Variants in DPP10 observed in about 807,000 individuals in gnomAD.
The protein encoded by DPP10 is inactive dipeptidyl peptidase 10.
A neutral mutation model predicts 120.9 loss-of-function variants in DPP10; 33 were observed. The ratio of observed to expected loss-of-function variants is 0.27; its 90% CI spans 0.21 to 0.37. The LOEUF (loss-of-function observed/expected upper bound fraction) is 0.37, where lower values mean the gene tolerates loss of function less well. Among genes scored for constraint, DPP10 ranks in the 10% least tolerant of loss-of-function variants. DPP10 has a pLI of 1.00. For missense variants in DPP10, 816 were observed against 942.8 expected, an observed-to-expected ratio of 0.87 and a Z score of 1.76; for synonymous variants, 337 against 326.1, an observed-to-expected ratio of 1.03 and a Z score of -0.36.
chr2:115,706,910 A>G (rs1313051889), intron 7 of DPP10, among the ~76,000 whole-genome samples: 2 of 151,974 alleles, frequency 1.3e-5, no homozygotes, highest in African/African-American at 4.8e-5. Context: ...ATAACTTCAG[A>G]CATCTTTCAA....
intron 1 of DPP10, among the ~76,000 whole-genome samples, chr2:114,874,321 A>G (rs1373026833): frequency 6.6e-6 from 1 of 152,162 alleles, no homozygotes; most frequent in Non-Finnish European, 1.5e-5. Flanking sequence ...TGGCCTTAAA[A>G]GGTATGTTTG....
intron 1 of DPP10, among the ~76,000 whole-genome samples, chr2:114,513,845 A>T (rs1381828286): frequency 6.6e-6 from 1 of 152,178 alleles, no homozygotes; most frequent in Middle Eastern, 3.2e-3. Context: ...AAATGAAATG[A>T]CTTCAGAGCT....
chr2:114,784,509 C>T lies in DPP10; in HGVS notation c.60+341671C>T, dbSNP rs1395265673. On this transcript the variant is annotated intron_variant, in intron 1 of 25. Transcript: ENST00000410059. ...GCGACTGCCTATTACATAAAACCTT[C>T]TCAAATATGTTCCTATAAAAAATAT... Among the ~76,000 whole-genome samples the T allele has an allele frequency of 2.6e-5, 4 of 152,124 alleles. 1 individual carries two copies. Among genetic ancestry groups the T allele is most frequent in the Non-Finnish European group, 5.9e-5 (4 of 68,000 alleles).
chr2:114,644,100 ATTT>A (rs70937295), intron 1 of DPP10, among the ~76,000 whole-genome samples: 1 of 129,940 alleles, frequency 7.7e-6, no homozygotes, highest in African/African-American at 2.9e-5. Flanking sequence ...ATGCCCAGCT[ATTT>A]TTTTTTTTTT....
intron 1 of DPP10, among the ~76,000 whole-genome samples, chr2:114,553,396 C>T (rs1558874368): frequency 1.3e-5 from 2 of 152,170 alleles, no homozygotes; most frequent in South Asian, 2.1e-4. Context: ...AGTCTGTTCC[C>T]GGGTAGGTGG....
At chr2:114,834,872 A>G (rs1687555642) in intron 1 of DPP10, among the ~76,000 whole-genome samples, 1 of 148,806 alleles carries the variant, frequency 6.7e-6, no homozygotes, top group African/African-American at 2.6e-5. Context: ...TATAAAAGAC[A>G]TATCTACACA....
intron 5 of DPP10, among the ~76,000 whole-genome samples, chr2:115,614,486 C>T (rs1053093412): frequency 6.6e-5 from 10 of 152,266 alleles, no homozygotes; most frequent in Admixed American, 2.6e-4. Flanking sequence ...AGTGCAATGG[C>T]GCCATCTCAG....
intron 3 of DPP10, among the ~76,000 whole-genome samples, chr2:115,449,612 T>A (rs1487277333): frequency 2.0e-5 from 3 of 152,064 alleles, no homozygotes; most frequent in Non-Finnish European, 4.4e-5. Context: ...CATCCCAGTC[T>A]CTCTTCTAGC....
chr2:114,932,644 G>T (rs1337002946), intron 1 of DPP10, among the ~76,000 whole-genome samples: 1 of 152,126 alleles, frequency 6.6e-6, no homozygotes, highest in Non-Finnish European at 1.5e-5. Flanking sequence ...GTGTAACTGG[G>T]GTTGGGATGG....
intron 1 of DPP10, among the ~76,000 whole-genome samples, chr2:115,267,711 C>T (rs1205095276): frequency 1.3e-5 from 2 of 152,222 alleles, no homozygotes; most frequent in Admixed American, 1.3e-4. Flanking sequence ...GCTTATTCTT[C>T]TCCTATAGGT....
At position 114,522,383 on chromosome 2, in the gene DPP10, A is replaced by G. The variant is rs746028310; in HGVS notation, c.60+79545A>G. The stretch of plus-strand genomic sequence containing the variant: ...AACACCCATGATCCTTCAAAAAACA[A>G]ACAAACAAAAAAACCAGCTGATGAA... On this transcript the variant is annotated intron_variant, in intron 1 of 25. Transcript: ENST00000410059. Among the ~76,000 whole-genome samples the G allele has an allele frequency of 1.9e-4, 29 of 152,326 alleles. No individual in the cohort carries two copies. The Middle Eastern group carries it at 0.014, about 71-fold the overall frequency.
chr2:115,784,142 G>A (rs565268714), intron 17 of DPP10, among the ~76,000 whole-genome samples: 42 of 152,032 alleles, frequency 2.8e-4, no homozygotes, highest in African/African-American at 9.9e-4. Flanking sequence ...TTGTCTCAAG[G>A]TCAACAAAAA....
At chr2:115,504,844 T>C (rs1475597541) in intron 4 of DPP10, among the ~76,000 whole-genome samples, 2 of 152,106 alleles carry the variant, frequency 1.3e-5, no homozygotes, top group Non-Finnish European at 2.9e-5. Flanking sequence ...AGAAAATTTC[T>C]GATCCTTACC....
At chr2:115,567,109 A>G (rs576635802) in intron 5 of DPP10, among the ~76,000 whole-genome samples, 1 of 152,186 alleles carries the variant, frequency 6.6e-6, no homozygotes. Flanking sequence ...GATTTCAAGT[A>G]CTATTTGGTG....
rs78309728 is a variant in DPP10, at chr2:114,685,610, C to T, written c.60+242772C>T. Among the ~76,000 whole-genome samples, 1,482 of 152,030 alleles carry T rather than the reference C, an allele frequency of 9.7e-3. 15 individuals carry two copies. The highest frequency in any genetic ancestry group is 0.015 in the Non-Finnish European group (989 of 67,912). ...ACTCATCTTTTCTTCACCCTAAACT[C>T]GCAATTCTGCTTATATTTCCATGTT... is the stretch of plus-strand genomic sequence containing the variant. On this transcript the variant is annotated intron_variant, in intron 1 of 25. Transcript: ENST00000410059.
chr2:115,518,683 A>G (rs1420027317), intron 4 of DPP10, among the ~76,000 whole-genome samples: 1 of 152,054 alleles, frequency 6.6e-6, no homozygotes. Flanking sequence ...ATGAAATTAT[A>G]CTCTGTAAAA....
chr2:115,518,324 T>C (rs924084849), intron 4 of DPP10, among the ~76,000 whole-genome samples: 6 of 152,192 alleles, frequency 3.9e-5, no homozygotes, highest in African/African-American at 1.2e-4. Flanking sequence ...TCTTTTTTAT[T>C]TGTTAACCTA....
chr2:114,461,328 A>G (rs138895897), intron 1 of DPP10, among the ~76,000 whole-genome samples: 104 of 152,298 alleles, frequency 6.8e-4, no homozygotes, highest in African/African-American at 2.1e-3. Flanking sequence ...AACACTCTTA[A>G]CAATGTTCCT....
At chr2:115,510,381 A>G (rs1390773841) in intron 4 of DPP10, among the ~76,000 whole-genome samples, 6 of 152,178 alleles carry the variant, frequency 3.9e-5, no homozygotes, top group Non-Finnish European at 7.4e-5. Context: ...ATGTGGAAAT[A>G]CAATTATCCA....
Sources: gnomAD v4.1 joint callset for allele counts (sites outside exome capture counted in the v4.1 genomes callset) on GRCh38, gnomAD v4.1.1 for gene constraint, MANE v1.5 for transcripts, NCBI Gene and HGNC (gene_info 2026-07-23, HGNC 2026-07-21) for gene names.